Variants in NASP observed in about 807,000 individuals in gnomAD.
NASP encodes NASP histone chaperone.
NASP carries 24 observed loss-of-function variants against 89.5 expected under a neutral mutation model. The ratio of observed to expected loss-of-function variants is 0.27; its 90% confidence interval spans 0.19 to 0.38. The LOEUF is 0.38. Among genes scored for constraint, NASP ranks in the 10% least tolerant of loss-of-function variants. The probability of loss-of-function intolerance (pLI) is 1.00; values close to 1 mark genes in which losing one functional copy is unlikely to be tolerated. For missense variants in NASP, 848 were observed against 921.4 expected, an observed-to-expected ratio of 0.92 and a Z score of 1.03; for synonymous variants, 306 against 324.7, an observed-to-expected ratio of 0.94 and a Z score of 0.62.
intron 6 of NASP, chr1:45,612,308 T>C (rs530175569): frequency 1.3e-5 from 2 of 152,314 alleles, no homozygotes; most frequent in South Asian, 2.1e-4. Flanking sequence ...TGTTTGGAGA[T>C]AGTGTTTGAG....
chr1:45,586,408 C>G (rs1436560542), intron 1 of NASP, among the ~76,000 whole-genome samples: 1 of 151,602 alleles, frequency 6.6e-6, no homozygotes, highest in South Asian at 2.1e-4. Context: ...GCCTCAGCCT[C>G]CCGAGTAGCT....
intron 3 of NASP, among the ~76,000 whole-genome samples, chr1:45,603,582 AT>A (rs1273945024): frequency 2.8e-5 from 4 of 145,390 alleles, no homozygotes; most frequent in Non-Finnish European, 6.0e-5. Flanking sequence ...GAGAGACTAA[AT>A]TTTATCTGGT....
At chr1:45,585,614 A>G (rs1316112836) in intron 1 of NASP, among the ~76,000 whole-genome samples, 1 of 152,146 alleles carries the variant, frequency 6.6e-6, no homozygotes, top group East Asian at 1.9e-4. Context: ...TGCTTTTTAT[A>G]ATGTTTCCTA....
At chr1:45,586,476 C>A (rs1358906611) in intron 1 of NASP, among the ~76,000 whole-genome samples, 1 of 152,018 alleles carries the variant, frequency 6.6e-6, no homozygotes, top group Non-Finnish European at 1.5e-5. Context: ...TTTGTAAAGA[C>A]GAGTTTTTGC....
In NASP at chr1:45,584,103, C is replaced by A; in HGVS notation, c.-44C>A. The stretch of plus-strand genomic sequence containing the variant: ...GGCGTCCCAAATTGCCTGTTTTTCT[C>A]GCAGGCTCTATTCCGTTCGCTGGTT... On this transcript the variant is annotated 5_prime_UTR_variant, in exon 1 of 15. Coordinates refer to ENST00000350030, the MANE Select transcript of NASP (RefSeq NM_002482.4). 2 of 1,534,542 alleles carry A rather than the reference C, an allele frequency of 1.3e-6. No homozygotes were observed. The highest frequency in any genetic ancestry group is 2.4e-5 in the South Asian group (2 of 84,084).
intron 1 of NASP, among the ~76,000 whole-genome samples, chr1:45,586,267 T>TG (rs1395419721): frequency 3.4e-5 from 2 of 59,500 alleles, no homozygotes; most frequent in African/African-American, 7.1e-5. Flanking sequence ...TGTGTGTGTG[T>TG]GTGTGTGTGT....
At chr1:45,586,326 C>T (rs1644549511) in intron 1 of NASP, among the ~76,000 whole-genome samples, 1 of 145,428 alleles carries the variant, frequency 6.9e-6, no homozygotes. Flanking sequence ...GTGTGTGTCA[C>T]CCAGGCTGGA....
In NASP at chr1:45,607,504, A is replaced by C. The variant is rs1435319838; in HGVS notation, c.593A>C (p.Lys198Thr). ...ISKSAEEPQEKVDLTLDWLTE... is the reference protein window; with the variant it reads ...ISKSAEEPQETVDLTLDWLTE... Reference sequence around the variant, plus strand: ...AAATCTGCAGAGGAGCCACAGGAAAAAGTTGACTTGACTCTAGATTGGTTA... The same window carrying C: ...AAATCTGCAGAGGAGCCACAGGAAACAGTTGACTTGACTCTAGATTGGTTA... Residue 198 changes from lysine (K) to threonine (T), a missense_variant, in exon 6 of 15, where the codon AAA (lysine) becomes ACA (threonine). Physicochemically the swap from Lys to Thr is moderately conservative, Grantham distance 78 (BLOSUM62 -1). This residue lies in a region of NASP where 464 missense variants were observed against 469.4 expected (regional missense o/e 0.99). Transcript: ENST00000350030. The C allele has an allele frequency of 1.1e-5, 18 of 1,613,918 alleles. No homozygotes were observed. Among genetic ancestry groups the C allele is most frequent in the Non-Finnish European group, 1.4e-5 (17 of 1,179,998 alleles).
At chr1:45,594,435 G>C (rs1022659768) in intron 2 of NASP, among the ~76,000 whole-genome samples, 1 of 152,052 alleles carries the variant, frequency 6.6e-6, no homozygotes, top group Non-Finnish European at 1.5e-5. Flanking sequence ...CTTTCAAGGG[G>C]GTTACTCATA....
At chr1:45,595,239 C>T (rs1190223611) in intron 2 of NASP, among the ~76,000 whole-genome samples, 1 of 149,026 alleles carries the variant, frequency 6.7e-6, no homozygotes, top group Non-Finnish European at 1.5e-5. Flanking sequence ...GAACTTCTGC[C>T]CTCCCTATGA....
rs1644111862 is a variant in NASP, at chr1:45,616,721, G to A, written c.2157+18G>A. 1.2e-6 allele frequency: 2 copies of A among 1,602,896 alleles called. No individual in the cohort carries two copies. The highest frequency in any genetic ancestry group is 1.7e-6 in the Non-Finnish European group (2 of 1,169,926). ...GAAAGAAGGTAAGTCTACATGTGGT[G>A]TTTCTTTTCTACCGTTTCCTCAGAC... On this transcript the variant is annotated intron_variant, in intron 13 of 14. Transcript: ENST00000350030.
intron 6 of NASP, chr1:45,609,620 C>G (rs530619915): frequency 3.9e-5 from 6 of 152,330 alleles, no homozygotes; most frequent in Non-Finnish European, 8.8e-5. Flanking sequence ...GAATGGTAAG[C>G]TACAATACAG....
chr1:45,593,461 A>G (rs547838069), intron 2 of NASP, among the ~76,000 whole-genome samples: 14 of 142,478 alleles, frequency 9.8e-5, no homozygotes, highest in Non-Finnish European at 2.1e-4. Flanking sequence ...TGAACCTGGG[A>G]GGTGGAGGTT....
intron 12 of NASP, 22 bp downstream of exon 12, chr1:45,616,415 T>C: frequency 6.2e-7 from 1 of 1,612,348 alleles, no homozygotes. Flanking sequence ...GGTGGTTTTT[T>C]GGTCACTTAC....
chr1:45,603,192 G>A (rs535586915), intron 3 of NASP, among the ~76,000 whole-genome samples: 5 of 152,128 alleles, frequency 3.3e-5, no homozygotes, highest in Non-Finnish European at 7.4e-5. Context: ...AGACTTTAAT[G>A]TACCTCCATT....
chr1:45,584,183 G>A lies in NASP; in HGVS notation c.37G>A (p.Ala13Thr), dbSNP rs987543530. 1.9e-6 allele frequency: 3 copies of A among 1,596,114 alleles called. No homozygotes were observed. Among genetic ancestry groups the A allele is most frequent in the African/African-American group, 2.7e-5 (2 of 74,748 alleles). Residue 13 changes from alanine (A) to threonine (T), a missense_variant, in exon 1 of 15, where the codon GCG (alanine) becomes ACG (threonine). Physicochemically the swap from Ala to Thr is moderately conservative, Grantham distance 58. Transcript: ENST00000350030. ...GTCCACAGCCACTGCCGCCGTCGCC[G>A]CGGAGCTGGTTTCTGCCGACAAGTA... ...MESTATAAVA[A>T]ELVSADKIED...
At chr1:45,612,960 C>A in intron 6 of NASP, 1 of 533,000 alleles carries the variant, frequency 1.9e-6, no homozygotes, top group Non-Finnish European at 2.9e-6. Flanking sequence ...AAGGTCTGAC[C>A]CATAGACTAA....
At chr1:45,590,263 G>C (rs570779808) in intron 1 of NASP, among the ~76,000 whole-genome samples, 1 of 151,964 alleles carries the variant, frequency 6.6e-6, no homozygotes, top group East Asian at 1.9e-4. Context: ...TAAATTTATC[G>C]GCCGGGCGCG....
At chr1:45,595,149 G>C (rs1643661826) in intron 2 of NASP, among the ~76,000 whole-genome samples, 1 of 136,220 alleles carries the variant, frequency 7.3e-6, no homozygotes, top group Non-Finnish European at 1.6e-5. Context: ...GTGTGTGTGT[G>C]TGTGTGTGTG....
Sources: allele counts gnomAD v4.1 joint callset (sites outside exome capture counted in the v4.1 genomes callset), GRCh38; gene constraint gnomAD v4.1.1; regional missense constraint gnomAD v4.1.1; transcripts MANE v1.5; gene names NCBI Gene and HGNC (gene_info 2026-07-23, HGNC 2026-07-21).